FAM13B: variants seen among roughly 807,000 people sequenced by gnomAD.
The protein encoded by FAM13B is protein FAM13B.
Under a neutral mutation model 117.3 loss-of-function variants are expected in FAM13B, and 60 were observed. That is an observed-to-expected ratio of 0.51 (90% CI 0.42 to 0.63). FAM13B has a LOEUF of 0.63. Ranked by LOEUF, FAM13B falls within the 30% of genes least tolerant of loss-of-function variation. The probability of loss-of-function intolerance (pLI) is 0.00; values close to 1 mark genes in which losing one functional copy is unlikely to be tolerated. For synonymous variants in FAM13B, 332 were observed against 356.1 expected (o/e 0.93, Z 0.76); for missense variants, 972 against 1,091.9 (o/e 0.89, Z 1.55).
intron 17 of FAM13B, among the ~76,000 whole-genome samples, chr5:137,951,029 G>A (rs549401016): frequency 1.3e-5 from 2 of 152,016 alleles, no homozygotes; most frequent in African/African-American, 4.8e-5. Flanking sequence ...GCAACATGGT[G>A]CAATGCCATC....
Position 138,018,557 on chromosome 5 carries a change from A to G in FAM13B, c.158-43T>C, listed in dbSNP as rs1012280382. 15 of 1,529,410 alleles carry G rather than the reference A, an allele frequency of 9.8e-6. No homozygotes were observed. The African/African-American group carries it at 1.2e-4, about 13-fold the overall frequency. 94.7% of individuals were successfully genotyped at this position (1,529,410 alleles called of 1,614,324 possible). On this transcript the variant is annotated intron_variant, in intron 3 of 23. Coordinates refer to ENST00000689681, the MANE Select transcript of FAM13B (RefSeq NM_001385994.1). ...AATCATTCAATAAGCTGCAATGTCAACTGCTTGACCATATATATTCATTCT... is the reference window on the plus strand; with the variant it reads ...AATCATTCAATAAGCTGCAATGTCAGCTGCTTGACCATATATATTCATTCT...
rs1771507098 is a variant in FAM13B, at chr5:137,969,926, A to C, written c.1180-7457T>G. ...GTTTAGAGAAAAAAGAATAAAAAGA[A>C]ATGAGCAAAGCCTCCAAGAAATATG... On this transcript the variant is annotated intron_variant, in intron 10 of 23. Coordinates refer to ENST00000689681, the MANE Select transcript of FAM13B (RefSeq NM_001385994.1). Among the ~76,000 whole-genome samples the C allele has an allele frequency of 3.3e-5, 5 of 152,156 alleles. No individual in the cohort carries two copies. The South Asian group carries it at 1.0e-3, about 31-fold the overall frequency.
At chr5:138,008,367 A>G (rs1453713908) in intron 6 of FAM13B, among the ~76,000 whole-genome samples, 1 of 152,172 alleles carries the variant, frequency 6.6e-6, no homozygotes, top group East Asian at 1.9e-4. Flanking sequence ...ACTTGGGCCC[A>G]GGAGGTCGGG....
At chr5:137,945,377 C>T (rs2150144100) in intron 20 of FAM13B, among the ~76,000 whole-genome samples, 1 of 152,254 alleles carries the variant, frequency 6.6e-6, no homozygotes, top group South Asian at 2.1e-4. Context: ...TAAAAATGCA[C>T]ACAAATACCA....
chr5:138,041,329 C>A (rs1162253013), intron 1 of FAM13B, among the ~76,000 whole-genome samples: 1 of 151,978 alleles, frequency 6.6e-6, no homozygotes, highest in African/African-American at 2.4e-5. Flanking sequence ...TACTATTGTT[C>A]AATAATTTAA....
At chr5:137,956,953 G>T (rs574432308) in intron 13 of FAM13B, among the ~76,000 whole-genome samples, 1 of 152,156 alleles carries the variant, frequency 6.6e-6, no homozygotes, top group Non-Finnish European at 1.5e-5. Context: ...ATCTGAAGAT[G>T]GTATCCACTT....
intron 1 of FAM13B, 153 bp downstream of exon 1, chr5:138,032,629 C>T (rs1790437114): frequency 8.4e-6 from 6 of 710,492 alleles, no homozygotes; most frequent in Non-Finnish European, 1.0e-5. Context: ...CTCCACGGAA[C>T]GCCCCACCTG....
intron 10 of FAM13B, among the ~76,000 whole-genome samples, chr5:137,975,819 G>T (rs1773745782): frequency 6.9e-6 from 1 of 144,290 alleles, no homozygotes; most frequent in Non-Finnish European, 1.5e-5. Flanking sequence ...ACTACCCTGG[G>T]TTTTTTTTTT....
chr5:138,002,530 T>C (rs114891248), intron 7 of FAM13B, among the ~76,000 whole-genome samples: 2,534 of 152,140 alleles, frequency 0.017, 81 homozygotes, highest in African/African-American at 0.058. Flanking sequence ...TGAAACTCCA[T>C]GTGAAAACAA....
chr5:137,967,226 T>C (rs943684206), intron 10 of FAM13B, among the ~76,000 whole-genome samples: 4 of 152,168 alleles, frequency 2.6e-5, no homozygotes, highest in Non-Finnish European at 4.4e-5. Context: ...AGGTAGTTCC[T>C]TAATAAATAA....
chr5:137,970,689 C>G (rs1771819612), intron 10 of FAM13B, among the ~76,000 whole-genome samples: 1 of 152,144 alleles, frequency 6.6e-6, no homozygotes, highest in Non-Finnish European at 1.5e-5. Context: ...GGTCAAGACC[C>G]ATCAGTGTGC....
chr5:138,022,953 A>C (rs1343146437), intron 1 of FAM13B, among the ~76,000 whole-genome samples: 1 of 151,472 alleles, frequency 6.6e-6, no homozygotes, highest in East Asian at 1.9e-4. Context: ...TCAGCCTCCC[A>C]AATTGCTGGG....
intron 10 of FAM13B, among the ~76,000 whole-genome samples, chr5:137,973,078 T>A (rs1479835798): frequency 6.6e-6 from 1 of 152,114 alleles, no homozygotes; most frequent in Non-Finnish European, 1.5e-5. Context: ...AAGCTACCAA[T>A]GACTTTCTTC....
At chr5:137,979,937 G>A (rs560056434) in intron 10 of FAM13B, among the ~76,000 whole-genome samples, 1 of 150,108 alleles carries the variant, frequency 6.7e-6, no homozygotes, top group Admixed American at 6.7e-5. Context: ...CAAGGCGCGA[G>A]GATCACCTGA....
intron 7 of FAM13B, among the ~76,000 whole-genome samples, chr5:138,002,279 A>G: frequency 6.6e-6 from 1 of 152,200 alleles, no homozygotes; most frequent in East Asian, 1.9e-4. Context: ...CTGTTATCCC[A>G]ACACTTTGAA....
chr5:138,011,723 T>C, intron 5 of FAM13B, 45 bp downstream of exon 5: 1 of 1,455,562 alleles, frequency 6.9e-7, no homozygotes, highest in Non-Finnish European at 9.4e-7. Flanking sequence ...CGGCCTCACA[T>C]ATCTAATTTT....
At chr5:137,940,823 A>G (rs563086008) in intron 23 of FAM13B, among the ~76,000 whole-genome samples, 1 of 152,356 alleles carries the variant, frequency 6.6e-6, no homozygotes, top group Admixed American at 6.5e-5. Context: ...CTAAAGCATC[A>G]AACTATCCTA....
intron 6 of FAM13B, among the ~76,000 whole-genome samples, chr5:138,009,888 CA>C (rs1294153818): frequency 6.7e-6 from 1 of 150,220 alleles, no homozygotes; most frequent in Non-Finnish European, 1.5e-5. Context: ...AGCAAAATAT[CA>C]AAAAAAATTT....
At position 137,946,286 on chromosome 5, in the gene FAM13B, T is replaced by C; in HGVS notation, c.2186A>G (p.Glu729Gly). 1.3e-6 allele frequency: 2 copies of C among 1,582,210 alleles called. No homozygotes were observed. The highest frequency in any genetic ancestry group is 1.7e-6 in the Non-Finnish European group (2 of 1,170,284). The change falls in exon 19 of 24, where the codon GAA becomes GGA. Residue 729 changes from glutamate to glycine, a missense_variant. Physicochemically the swap from Glu to Gly is moderately conservative, Grantham distance 98. Transcript: ENST00000689681. ...ACTTTTCTGAAGAGAAGCTTTCTCTTCTACCAAATGATCTTTGGTCATTTT... is the reference window on the plus strand; with the variant it reads ...ACTTTTCTGAAGAGAAGCTTTCTCTCCTACCAAATGATCTTTGGTCATTTT... The part of the protein sequence containing the change: ...IKKMTKDHLV[E>G]EKASLQKSLL...
Sources: allele counts gnomAD v4.1 joint callset (sites outside exome capture counted in the v4.1 genomes callset), GRCh38; gene constraint gnomAD v4.1.1; transcripts MANE v1.5; gene names NCBI Gene and HGNC (gene_info 2026-07-23, HGNC 2026-07-21).